The following VANGL1 variants were observed in gnomAD, a reference collection of about 807,000 sequenced individuals.
The protein encoded by VANGL1 is vang-like protein 1.
VANGL1 carries 18 observed loss-of-function variants against 48.4 expected under a neutral mutation model. The ratio of observed to expected loss-of-function variants is 0.37; its 90% CI spans 0.26 to 0.55. The LOEUF is 0.55. Ranked by LOEUF, VANGL1 falls within the 20% of genes least tolerant of loss-of-function variation. The pLI is 0.81. For synonymous variants in VANGL1, 257 were observed against 261.8 expected (o/e 0.98, Z 0.18); for missense variants, 667 against 675.8 (o/e 0.99, Z 0.14).
intron 1 of VANGL1, among the ~76,000 whole-genome samples, chr1:115,645,125 C>T (rs940842734): frequency 6.6e-6 from 1 of 152,182 alleles, no homozygotes; most frequent in Admixed American, 6.5e-5. Context: ...TCCAAATAAA[C>T]CCACTAAAAC....
Position 115,691,765 on chromosome 1 carries a change from A to C in VANGL1, c.*386A>C. 1 of 198,374 alleles carries C rather than the reference A, an allele frequency of 5.0e-6. No individual in the cohort carries two copies. 12.3% of individuals were successfully genotyped at this position (198,374 alleles called of 1,614,324 possible). ...CCACTTGTAGACTTCCAGGGGACAC[A>C]TCTTTATTCTGTTTCAGGAAACCAG... On this transcript the variant is annotated 3_prime_UTR_variant, in exon 8 of 8. Coordinates refer to ENST00000355485, the MANE Select transcript of VANGL1 (RefSeq NM_138959.3).
chr1:115,666,671 A>T (rs1379655501), intron 4 of VANGL1, among the ~76,000 whole-genome samples: 2 of 152,202 alleles, frequency 1.3e-5, no homozygotes, highest in Non-Finnish European at 2.9e-5. Flanking sequence ...GGTGGTCCCC[A>T]GCCTCATCCT....
rs115387636 is a variant in VANGL1, at chr1:115,649,875, A to G, written c.-137-1402A>G. On this transcript the variant is annotated intron_variant, in intron 1 of 7. Coordinates refer to ENST00000355485, the MANE Select transcript of VANGL1 (RefSeq NM_138959.3). ...CAAGTGGCTTATCCCAGGTTGTACT[A>G]AACAGTGGCTGGGCTCAGACTAGAA... Among the ~76,000 whole-genome samples, 217 of 152,290 alleles carry G rather than the reference A, an allele frequency of 1.4e-3. 2 individuals carry two copies. The highest frequency in any genetic ancestry group is 5.0e-3 in the African/African-American group (208 of 41,556).
chr1:115,691,381 A>T lies in VANGL1; in HGVS notation c.*2A>T. 6.2e-7 allele frequency: 1 copy of T among 1,612,736 alleles called. No homozygotes were observed. On this transcript the variant is annotated 3_prime_UTR_variant, in exon 8 of 8. Transcript: ENST00000355485. The stretch of plus-strand genomic sequence containing the variant: ...TTACAGTCTGAGACATCCGTTTAAA[A>T]GTTCTATATTTGTGGCTTTATTAAA...
chr1:115,680,835 G>C (rs1442567975), intron 4 of VANGL1, among the ~76,000 whole-genome samples: 1 of 152,148 alleles, frequency 6.6e-6, no homozygotes, highest in Non-Finnish European at 1.5e-5. Context: ...AACACAGTGT[G>C]GTCATCCAGG....
chr1:115,693,106 AG>A lies in VANGL1; in HGVS notation c.*1732del, dbSNP rs1379100884. On this transcript the variant is annotated 3_prime_UTR_variant, in exon 8 of 8. Coordinates refer to ENST00000355485, the MANE Select transcript of VANGL1 (RefSeq NM_138959.3). Reference sequence around the variant, plus strand: ...GAAAAGACATGCTGGAGAAGAAGGAAGGGGGAACCCATAGGTGTGGCGTGGA... The same window carrying A: ...GAAAAGACATGCTGGAGAAGAAGGAAGGGGAACCCATAGGTGTGGCGTGGA... 6.6e-6 allele frequency: 1 copy of A among 152,578 alleles called. No individual in the cohort carries two copies. The highest frequency in any genetic ancestry group is 1.5e-5 in the Non-Finnish European group (1 of 68,056). 9.5% of individuals were successfully genotyped at this position (152,578 alleles called of 1,614,324 possible).
chr1:115,663,255 G>C (rs1375561623), intron 3 of VANGL1, among the ~76,000 whole-genome samples: 1 of 152,150 alleles, frequency 6.6e-6, no homozygotes, highest in Admixed American at 6.5e-5. Flanking sequence ...GCGTGAATTG[G>C]AAAGAAGATG....
At chr1:115,685,185 T>C in intron 6 of VANGL1, 108 bp from the exon 7 acceptor site, 1 of 1,181,988 alleles carries the variant, frequency 8.5e-7, no homozygotes, top group Non-Finnish European at 1.2e-6. Flanking sequence ...TGATTGGGCC[T>C]TGGGTATGTT....
In VANGL1 at chr1:115,695,598, A is replaced by C. The variant is rs190660373; in HGVS notation, c.*4219A>C. The C allele has an allele frequency of 1.3e-5, 2 of 152,576 alleles. No homozygotes were observed. Among genetic ancestry groups the C allele is most frequent in the East Asian group, 3.9e-4 (2 of 5,182 alleles). 9.5% of individuals were successfully genotyped at this position (152,576 alleles called of 1,614,324 possible). Reference sequence around the variant, plus strand: ...ATTCAGTTTTGGATCACATTTTGACAAAACATGTTTTGGTCAAAGAAAGGA... The same window carrying C: ...ATTCAGTTTTGGATCACATTTTGACCAAACATGTTTTGGTCAAAGAAAGGA... On this transcript the variant is annotated 3_prime_UTR_variant, in exon 8 of 8. Transcript: ENST00000355485.
At position 115,663,772 on chromosome 1, in the gene VANGL1, G is replaced by A. The variant is rs867892644; in HGVS notation, c.316G>A (p.Asp106Asn). 9 of 1,614,212 alleles carry A rather than the reference G, an allele frequency of 5.6e-6. 1 individual carries two copies. The Middle Eastern group carries it at 1.3e-3, about 237-fold the overall frequency. ...SKDMEDSVGL[D>N]CKRYLGLTVA... ...GGACATGGAGGACAGCGTGGGGCTG[G>A]ATTGCAAACGCTACCTGGGCCTCAC... Residue 106 changes from aspartate (D) to asparagine (N), a missense_variant, in exon 4 of 8, where the codon GAT becomes AAT. Coordinates refer to ENST00000355485, the MANE Select transcript of VANGL1 (RefSeq NM_138959.3).
chr1:115,666,972 A>C (rs1652816272), intron 4 of VANGL1, among the ~76,000 whole-genome samples: 1 of 152,230 alleles, frequency 6.6e-6, no homozygotes, highest in Non-Finnish European at 1.5e-5. Flanking sequence ...TGGAAGAGTT[A>C]CTAGGCCAGA....
chr1:115,665,728 C>T (rs1407420674), intron 4 of VANGL1, among the ~76,000 whole-genome samples: 2 of 152,218 alleles, frequency 1.3e-5, no homozygotes, highest in Non-Finnish European at 2.9e-5. Context: ...TCACAGATGC[C>T]TGTAGGGCTC....
chr1:115,682,580 ACTT>A (rs1653434844), intron 5 of VANGL1, 83 bp downstream of exon 5: 6 of 1,603,478 alleles, frequency 3.7e-6, no homozygotes, highest in South Asian at 2.2e-5. Context: ...GTTTGGTTCG[ACTT>A]CTTCTCTGGG....
chr1:115,643,556 A>G (rs952431282), intron 1 of VANGL1, among the ~76,000 whole-genome samples: 3 of 152,216 alleles, frequency 2.0e-5, no homozygotes, highest in African/African-American at 7.2e-5. Flanking sequence ...GTCTCTCAGT[A>G]TAATTAGTGA....
chr1:115,678,384 C>T (rs1653247247), intron 4 of VANGL1, among the ~76,000 whole-genome samples: 1 of 152,142 alleles, frequency 6.6e-6, no homozygotes, highest in Admixed American at 6.5e-5. Context: ...GCATCCTGGC[C>T]TCCCGGGGCT....
intron 2 of VANGL1, among the ~76,000 whole-genome samples, chr1:115,655,179 G>A (rs558777159): frequency 1.3e-5 from 2 of 152,324 alleles, no homozygotes; most frequent in East Asian, 3.9e-4. Flanking sequence ...AGCCAGCAGA[G>A]AGAAAGGACG....
At chr1:115,690,148 C>T (rs1653778822) in intron 7 of VANGL1, among the ~76,000 whole-genome samples, 1 of 86,278 alleles carries the variant, frequency 1.2e-5, no homozygotes, top group Admixed American at 1.3e-4. Context: ...ATTAAAGAAA[C>T]AAAACATACT....
chr1:115,681,505 T>TGTTG (rs199910559), intron 4 of VANGL1, among the ~76,000 whole-genome samples: 5 of 77,728 alleles, frequency 6.4e-5, no homozygotes, highest in Admixed American at 1.4e-4. Flanking sequence ...TTTTTGTTGT[T>TGTTG]TTTTTTGTTT....
intron 2 of VANGL1, 105 bp downstream of exon 2, chr1:115,651,589 G>T: frequency 1.0e-6 from 1 of 963,362 alleles, no homozygotes; most frequent in Non-Finnish European, 1.6e-6. Flanking sequence ...ACATTTGGTC[G>T]GTTGGTGCAT....
Sources: allele counts gnomAD v4.1 joint callset (sites outside exome capture counted in the v4.1 genomes callset), GRCh38; gene constraint gnomAD v4.1.1; transcripts MANE v1.5; gene names NCBI Gene and HGNC (gene_info 2026-07-23, HGNC 2026-07-21).